GALNT9: variants seen among roughly 807,000 people sequenced by gnomAD.
GALNT9 encodes polypeptide N-acetylgalactosaminyltransferase 9, also known as GalNAc transferase 9.
Under a neutral mutation model 63.1 loss-of-function variants are expected in GALNT9, and 47 were observed. The ratio of observed to expected loss-of-function variants is 0.75; its 90% confidence interval spans 0.59 to 0.95. The LOEUF is 0.95. Ranked by LOEUF, GALNT9 falls within the 40% of genes least tolerant of loss-of-function variation. The pLI, the probability that GALNT9 is intolerant of heterozygous loss-of-function variation, is 0.00. For missense variants in GALNT9, 829 were observed against 874.8 expected (o/e 0.95, Z 0.66); for synonymous variants, 396 against 365.7 (o/e 1.08, Z -0.94).
intron 1 of GALNT9, among the ~76,000 whole-genome samples, chr12:132,291,594 A>C (rs191299181): frequency 7.4e-6 from 1 of 135,888 alleles, no homozygotes; most frequent in East Asian, 2.4e-4. Flanking sequence ...CACCGCCCAC[A>C]TCCACACCAC....
chr12:132,273,682 T>C (rs1253361562), intron 2 of GALNT9: 1 of 152,408 alleles, frequency 6.6e-6, no homozygotes, highest in Non-Finnish European at 1.5e-5. Context: ...GTGGCGCCGT[T>C]TCTGTCAGAC....
Position 132,238,456 on chromosome 12 carries a change from G to A in GALNT9, c.1077+9454C>T, listed in dbSNP as rs1481696373. On this transcript the variant is annotated intron_variant, in intron 6 of 10. Coordinates refer to ENST00000328957, the MANE Select transcript of GALNT9 (RefSeq NM_001122636.2). This position sits in a 1 kb window ranked among gnomAD's most constrained non-coding sequence, Gnocchi z 6.5. Reference sequence around the variant, plus strand: ...GGGGCAGCAGCCGCAGGGGCGACATGGTGTCAAGGTCTCCTGGACATTGTG... The same window carrying A: ...GGGGCAGCAGCCGCAGGGGCGACATAGTGTCAAGGTCTCCTGGACATTGTG... Among the ~76,000 whole-genome samples, 3 of 152,174 alleles carry A rather than the reference G, an allele frequency of 2.0e-5. No individual in the cohort carries two copies. Among genetic ancestry groups the A allele is most frequent in the Non-Finnish European group, 2.9e-5 (2 of 68,010 alleles).
In GALNT9 at chr12:132,309,094, C is replaced by G. The variant is rs185785433; in HGVS notation, c.238+19872G>C. On this transcript the variant is annotated intron_variant, in intron 1 of 10. Coordinates refer to ENST00000328957, the MANE Select transcript of GALNT9 (RefSeq NM_001122636.2). The stretch of plus-strand genomic sequence containing the variant: ...GCAGAACCCGGCCCCACCCATTCAG[C>G]CCACATCCACCGGGCTGCAGGCGTG... Among the ~76,000 whole-genome samples the G allele has an allele frequency of 5.7e-3, 864 of 152,358 alleles. 7 individuals carry two copies. Among genetic ancestry groups the G allele is most frequent in the Non-Finnish European group, 8.9e-3 (604 of 68,032 alleles).
At chr12:132,215,798 G>A (rs1050981760) in intron 6 of GALNT9, among the ~76,000 whole-genome samples, 4 of 152,110 alleles carry the variant, frequency 2.6e-5, no homozygotes, top group African/African-American at 7.2e-5. Flanking sequence ...GACCCAGCAC[G>A]GGACCCAGGT....
chr12:132,250,216 C>A (rs1194460111), intron 5 of GALNT9, among the ~76,000 whole-genome samples: 1 of 152,064 alleles, frequency 6.6e-6, no homozygotes, highest in Non-Finnish European at 1.5e-5. Flanking sequence ...TGACTCCGTC[C>A]GCATGCAAGG....
At chr12:132,248,899 A>G (rs1878812320) in intron 5 of GALNT9, among the ~76,000 whole-genome samples, 1 of 152,180 alleles carries the variant, frequency 6.6e-6, no homozygotes, top group African/African-American at 2.4e-5. Context: ...GCAGTGGTGA[A>G]GGCAGGATCC....
chr12:132,199,457 G>A (rs564907312), intron 8 of GALNT9, among the ~76,000 whole-genome samples, 188 bp from the exon 9 acceptor site: 1 of 152,236 alleles, frequency 6.6e-6, no homozygotes, highest in East Asian at 1.9e-4. Flanking sequence ...CACTGATGGA[G>A]ACATGGAAGT....
intron 6 of GALNT9, among the ~76,000 whole-genome samples, chr12:132,218,961 A>G (rs1266260430): frequency 6.6e-6 from 1 of 152,106 alleles, no homozygotes; most frequent in African/African-American, 2.4e-5. Context: ...CAAGAACCGC[A>G]AATTCCCAGA....
At chr12:132,312,696 A>T (rs1881857480) in intron 1 of GALNT9, among the ~76,000 whole-genome samples, 1 of 152,220 alleles carries the variant, frequency 6.6e-6, no homozygotes, top group South Asian at 2.1e-4. Flanking sequence ...TGGGAGGGGA[A>T]ACTGGCCCTG....
chr12:132,326,965 A>G (rs1481709540), intron 1 of GALNT9, among the ~76,000 whole-genome samples: 1 of 152,180 alleles, frequency 6.6e-6, no homozygotes, highest in Non-Finnish European at 1.5e-5. Flanking sequence ...GGTGTCTCCC[A>G]TCATTTCCTG....
At chr12:132,228,477 C>CG (rs1846816511) in intron 6 of GALNT9, among the ~76,000 whole-genome samples, 2 of 149,280 alleles carry the variant, frequency 1.3e-5, no homozygotes, top group Admixed American at 1.3e-4. Flanking sequence ...CAAGACAGGG[C>CG]GGCCAGTCAG....
In GALNT9 at chr12:132,316,378, C is replaced by T. The variant is rs781941766; in HGVS notation, c.238+12588G>A. Among the ~76,000 whole-genome samples, 9 of 152,090 alleles carry T rather than the reference C, an allele frequency of 5.9e-5. No homozygotes were observed. Among genetic ancestry groups the T allele is most frequent in the Non-Finnish European group, 1.0e-4 (7 of 68,004 alleles). On this transcript the variant is annotated intron_variant, in intron 1 of 10. Coordinates refer to ENST00000328957, the MANE Select transcript of GALNT9 (RefSeq NM_001122636.2). The surrounding 1 kb of genome is among the most constrained non-coding windows in gnomAD (Gnocchi z 4.3). ...GGAGGAAACAGAGATCCCCTATAAC[C>T]GAGCATATACTTCCTTTAAAAATCT... is the stretch of plus-strand genomic sequence containing the variant.
At chr12:132,244,256 AGACGGGGGATGTGGTGATGGGGCTG>A (rs2135532353) in intron 6 of GALNT9, among the ~76,000 whole-genome samples, 2 of 72,894 alleles carry the variant, frequency 2.7e-5, no homozygotes, top group African/African-American at 6.2e-5. Context: ...GGCTGGGGCT[AGACGGGGGATGTGGTGATGGGGCTG>A]GACGGGGGGG....
chr12:132,304,371 A>G (rs374933798), intron 1 of GALNT9, among the ~76,000 whole-genome samples: 14 of 89,706 alleles, frequency 1.6e-4, no homozygotes, highest in Non-Finnish European at 2.3e-4. Flanking sequence ...GCACAGCCTC[A>G]CCCGGGCACA....
At chr12:132,324,438 C>T (rs1015642618) in intron 1 of GALNT9, among the ~76,000 whole-genome samples, 2 of 152,118 alleles carry the variant, frequency 1.3e-5, no homozygotes, top group Non-Finnish European at 2.9e-5. Context: ...TTGTGCCGCG[C>T]GTGCAAGAGA....
rs192137648 is a variant in GALNT9, at chr12:132,318,986, G to A, written c.238+9980C>T. Among the ~76,000 whole-genome samples the A allele has an allele frequency of 1.7e-3, 265 of 152,320 alleles. 1 individual carries two copies. The highest frequency in any genetic ancestry group is 6.1e-3 in the African/African-American group (252 of 41,572). On this transcript the variant is annotated intron_variant, in intron 1 of 10. Coordinates refer to ENST00000328957, the MANE Select transcript of GALNT9 (RefSeq NM_001122636.2). ...TTTCAGGGCCCTGCTCATGCACACC[G>A]GGCAGCTGCACGGGTCCTTTGGACT...
intron 6 of GALNT9, among the ~76,000 whole-genome samples, chr12:132,240,263 G>A (rs2136897964): frequency 4.6e-5 from 7 of 152,244 alleles, no homozygotes; most frequent in Admixed American, 2.0e-4. Flanking sequence ...CAAGTCAGGC[G>A]CCGCCATCGG....
At chr12:132,302,538 G>A (rs999485946) in intron 1 of GALNT9, among the ~76,000 whole-genome samples, 7 of 152,220 alleles carry the variant, frequency 4.6e-5, no homozygotes, top group Non-Finnish European at 1.0e-4. Flanking sequence ...CTCACGGAGC[G>A]TCTGCTAAAT....
At chr12:132,303,945 G>A (rs190807422) in intron 1 of GALNT9, among the ~76,000 whole-genome samples, 3 of 30,882 alleles carry the variant, frequency 9.7e-5, no homozygotes, top group African/African-American at 4.0e-4. Context: ...CCTCGCCCGG[G>A]CACACCCTCA....
Sources: allele counts gnomAD v4.1 joint callset (sites outside exome capture counted in the v4.1 genomes callset), GRCh38; gene constraint gnomAD v4.1.1; non-coding constraint Gnocchi (gnomAD v3.1); transcripts MANE v1.5; gene names NCBI Gene and HGNC (gene_info 2026-07-23, HGNC 2026-07-21).